The following ALDH1A2 variants were observed in gnomAD, a reference collection of about 807,000 sequenced individuals.
The protein encoded by ALDH1A2 is retinal dehydrogenase 2.
Under a neutral mutation model 60.3 loss-of-function variants are expected in ALDH1A2, and 27 were observed. The ratio of observed to expected loss-of-function variants is 0.45; its 90% CI spans 0.33 to 0.62. The LOEUF is 0.62. Ranked by LOEUF, ALDH1A2 falls within the 20% of genes least tolerant of loss-of-function variation. The probability of loss-of-function intolerance (pLI) is 0.02; values close to 1 mark genes in which losing one functional copy is unlikely to be tolerated. For missense variants in ALDH1A2, 581 were observed against 643.8 expected (o/e 0.90, Z 1.06); for synonymous variants, 289 against 232.4 (o/e 1.24, Z -2.21).
In ALDH1A2 at chr15:57,961,186, T is replaced by C. The variant is rs1024580947; in HGVS notation, c.1360A>G (p.Ile454Val). Residue 454 changes from isoleucine (I) to valine (V), a missense_variant, in exon 11 of 13, where the codon ATC (isoleucine) becomes GTC (valine). Coordinates refer to ENST00000249750, the MANE Select transcript of ALDH1A2 (RefSeq NM_003888.4). ...GAAGACACTGTGAGGGCCTTGTTGA[T>C]GTCATTAGTAAAGACAGCTGCTACG... ...GLVAAVFTND[I>V]NKALTVSSAM... 12 of 1,614,184 alleles carry C rather than the reference T, an allele frequency of 7.4e-6. No individual in the cohort carries two copies. Among genetic ancestry groups the C allele is most frequent in the Admixed American group, 3.3e-5 (2 of 60,036 alleles).
intron 1 of ALDH1A2, among the ~76,000 whole-genome samples, chr15:58,027,003 G>A (rs966880742): frequency 2.0e-5 from 3 of 152,192 alleles, no homozygotes; most frequent in Admixed American, 2.0e-4. Context: ...TGAAGACAGG[G>A]ACAGCTCTGA....
At chr15:58,045,647 G>A (rs1896620153) in intron 1 of ALDH1A2, among the ~76,000 whole-genome samples, 1 of 151,982 alleles carries the variant, frequency 6.6e-6, no homozygotes, top group East Asian at 1.9e-4. Flanking sequence ...CACAAGAACA[G>A]AAAACCAAAC....
At chr15:57,997,383 ACT>A (rs1434644809) in intron 4 of ALDH1A2, among the ~76,000 whole-genome samples, 1 of 151,916 alleles carries the variant, frequency 6.6e-6, no homozygotes, top group African/African-American at 2.4e-5. Flanking sequence ...CTGCAACTGA[ACT>A]CTCTAAGTTG....
intron 7 of ALDH1A2, among the ~76,000 whole-genome samples, chr15:57,977,244 GGTTTA>G (rs1405434617): frequency 2.6e-5 from 4 of 152,000 alleles, no homozygotes; most frequent in Non-Finnish European, 4.4e-5. Context: ...GTGCACAAGC[GGTTTA>G]GTTTAATTAG....
chr15:58,051,201 A>T (rs1451441200), intron 1 of ALDH1A2, among the ~76,000 whole-genome samples: 1 of 152,128 alleles, frequency 6.6e-6, no homozygotes. Context: ...CAGGAACTGG[A>T]TTATAATATT....
intron 7 of ALDH1A2, among the ~76,000 whole-genome samples, chr15:57,976,712 C>G (rs1247890316): frequency 6.6e-6 from 1 of 152,176 alleles, no homozygotes; most frequent in Non-Finnish European, 1.5e-5. Flanking sequence ...GTGAATAGTG[C>G]TGCAATAAAC....
At chr15:58,059,531 T>C (rs1338928171) in intron 1 of ALDH1A2, among the ~76,000 whole-genome samples, 1 of 152,240 alleles carries the variant, frequency 6.6e-6, no homozygotes, top group Non-Finnish European at 1.5e-5. Flanking sequence ...CCTTGTATGC[T>C]GCATACTTCC....
At position 58,065,637 on chromosome 15, in the gene ALDH1A2, T is replaced by G; in HGVS notation, c.14A>C (p.Lys5Thr). 6.3e-7 allele frequency: 1 copy of G among 1,598,790 alleles called. No individual in the cohort carries two copies. Among genetic ancestry groups the G allele is most frequent in the South Asian group, 1.1e-5 (1 of 89,110 alleles). MTSS[K>T]IEMPGEVKAD... Reference sequence around the variant, plus strand: ...CTTCACCTCGCCGGGCATCTCTATCTTGCTGGAAGTCATGGTGGCGGGCCG... The same window carrying G: ...CTTCACCTCGCCGGGCATCTCTATCGTGCTGGAAGTCATGGTGGCGGGCCG... Residue 5 changes from lysine (K) to threonine (T), a missense_variant, in exon 1 of 13, where the codon AAG (lysine) becomes ACG (threonine). Coordinates refer to ENST00000249750, the MANE Select transcript of ALDH1A2 (RefSeq NM_003888.4).
Position 57,977,145 on chromosome 15 carries a change from A to G in ALDH1A2, c.799-11318T>C, listed in dbSNP as rs567534952. On this transcript the variant is annotated intron_variant, in intron 7 of 12. Transcript: ENST00000249750. ...TGTTTAAGTTCCTTGTAGAGTCTGG[A>G]TATTAGCCCTTTGTCAGATGAGTAG... Among the ~76,000 whole-genome samples the G allele has an allele frequency of 1.7e-3, 247 of 149,032 alleles. 1 individual carries two copies. Among genetic ancestry groups the G allele is most frequent in the Admixed American group, 0.011 (162 of 14,942 alleles).
At chr15:57,971,306 C>A (rs528434548) in intron 7 of ALDH1A2, among the ~76,000 whole-genome samples, 3 of 152,190 alleles carry the variant, frequency 2.0e-5, no homozygotes, top group Admixed American at 6.5e-5. Context: ...CCTTCCCTAC[C>A]CTCCCTACAG....
chr15:58,041,062 T>C (rs1896508705), intron 1 of ALDH1A2, among the ~76,000 whole-genome samples: 1 of 151,906 alleles, frequency 6.6e-6, no homozygotes, highest in African/African-American at 2.4e-5. Context: ...CCGCATGACC[T>C]TCAAGTGGCC....
rs531470348 is a variant in ALDH1A2 at position 57,963,822 on chromosome 15, T to C, written c.1086+63A>G. 5.6e-5 allele frequency: 87 copies of C among 1,563,144 alleles called. No homozygotes were observed. In the South Asian group the frequency reaches 6.1e-4, roughly 11 times the overall value. ...GTCGCTTTGCTGGGACCTACTACAG[T>C]GTACACAGTTCTGTGCCAGTCAAGG... On this transcript the variant is annotated intron_variant, in intron 9 of 12. Transcript: ENST00000249750.
chr15:57,979,460 C>T (rs1228610467), intron 7 of ALDH1A2, among the ~76,000 whole-genome samples: 2 of 152,076 alleles, frequency 1.3e-5, no homozygotes, highest in African/African-American at 2.4e-5. Context: ...GCAGCCTGGA[C>T]GTGCCAGCAG....
intron 7 of ALDH1A2, among the ~76,000 whole-genome samples, chr15:57,966,761 G>A (rs1055434618): frequency 6.6e-6 from 1 of 152,194 alleles, no homozygotes; most frequent in Non-Finnish European, 1.5e-5. Flanking sequence ...GACTGGCAGA[G>A]GCTGTGTCAG....
intron 7 of ALDH1A2, among the ~76,000 whole-genome samples, chr15:57,966,267 T>G (rs1893895379): frequency 1.3e-5 from 2 of 152,222 alleles, no homozygotes; most frequent in African/African-American, 4.8e-5. Flanking sequence ...CCAGGCATGC[T>G]TTTTATTACA....
At position 58,015,656 on chromosome 15, in the gene ALDH1A2, T is replaced by G. The variant is rs192097605; in HGVS notation, c.118-1375A>C. On this transcript the variant is annotated intron_variant, in intron 1 of 12. Transcript: ENST00000249750. ...GTCTGACAGTCTCTAGTAGTTTATT[T>G]AGTACTTACAATAACCCCGTGAAGC... Among the ~76,000 whole-genome samples the G allele has an allele frequency of 1.6e-3, 250 of 152,342 alleles. 1 individual carries two copies. Among genetic ancestry groups the G allele is most frequent in the Admixed American group, 0.011 (163 of 15,298 alleles).
At chr15:58,020,910 T>A (rs75151076) in intron 1 of ALDH1A2, among the ~76,000 whole-genome samples, 44 of 152,296 alleles carry the variant, frequency 2.9e-4, no homozygotes, top group Non-Finnish European at 4.9e-4. Context: ...ACCTTTATAA[T>A]TTTCGGGGTA....
intron 1 of ALDH1A2, among the ~76,000 whole-genome samples, chr15:58,018,526 G>GATGTATATTCATGTATTTTC (rs1895842761): frequency 6.6e-6 from 1 of 152,050 alleles, no homozygotes; most frequent in South Asian, 2.1e-4. Flanking sequence ...AAAAATGTAT[G>GATGTATATTCATGTATTTTC]ATGTATATTC....
rs781296259 is a variant in ALDH1A2 at position 58,065,638 on chromosome 15, T to G, written c.13A>C (p.Lys5Gln). Residue 5 changes from lysine to glutamine, a missense_variant, in exon 1 of 13, where the codon AAG becomes CAG. This residue lies in a region of ALDH1A2 where 206 missense variants were observed against 174.1 expected (regional missense o/e 1.18). Transcript: ENST00000249750. ...TTCACCTCGCCGGGCATCTCTATCT[T>G]GCTGGAAGTCATGGTGGCGGGCCGG... MTSS[K>Q]IEMPGEVKAD... 21 of 1,598,998 alleles carry G rather than the reference T, an allele frequency of 1.3e-5. No individual in the cohort carries two copies. The highest frequency in any genetic ancestry group is 1.8e-5 in the Non-Finnish European group (21 of 1,171,670).
Sources: allele counts gnomAD v4.1 joint callset (sites outside exome capture counted in the v4.1 genomes callset), GRCh38; gene constraint gnomAD v4.1.1; regional missense constraint gnomAD v4.1.1; transcripts MANE v1.5; gene names NCBI Gene and HGNC (gene_info 2026-07-23, HGNC 2026-07-21).